PRH1: variants seen among roughly 807,000 people sequenced by gnomAD.
PRH1 encodes proline rich protein HaeIII subfamily 1.
Under a neutral mutation model 7.9 loss-of-function variants are expected in PRH1, and 7 were observed. That is an observed-to-expected ratio of 0.89 (90% CI 0.50 to 1.67). The LOEUF is 1.67. Among genes scored for constraint, PRH1 ranks in the 40% most tolerant of loss-of-function variants. The pLI is 0.00. For synonymous variants in PRH1, 45 were observed against 80.8 expected, an observed-to-expected ratio of 0.56 and a Z score of 2.38; for missense variants, 109 against 223.6, an observed-to-expected ratio of 0.49 and a Z score of 3.27.
At chr12:11,167,930 A>T (rs1262694478) in intron 1 of PRH1, among the ~76,000 whole-genome samples, 1 of 46,554 alleles carries the variant, frequency 2.1e-5, no homozygotes, top group Non-Finnish European at 6.5e-5. Flanking sequence ...TGCATGGTTT[A>T]AAAAATGTCT....
At chr12:10,918,606 C>A (rs986030082) in intron 2 of PRH1, among the ~76,000 whole-genome samples, 3 of 152,102 alleles carry the variant, frequency 2.0e-5, no homozygotes, top group Admixed American at 6.5e-5. Context: ...GACAAAGTCC[C>A]CTACAAAATG....
intron 1 of PRH1, among the ~76,000 whole-genome samples, chr12:11,143,570 C>G (rs1343619033): frequency 6.6e-6 from 1 of 151,998 alleles, no homozygotes; most frequent in Non-Finnish European, 1.5e-5. Flanking sequence ...CATAGTCTAG[C>G]TAATCAGTTG....
At chr12:10,952,705 T>C (rs898899687) in intron 2 of PRH1, among the ~76,000 whole-genome samples, 1 of 152,206 alleles carries the variant, frequency 6.6e-6, no homozygotes, top group Admixed American at 6.5e-5. Flanking sequence ...CAAATGATTC[T>C]GGGAAAATTA....
chr12:10,900,984 C>A (rs1949715010), intron 2 of PRH1, among the ~76,000 whole-genome samples: 1 of 152,186 alleles, frequency 6.6e-6, no homozygotes, highest in African/African-American at 2.4e-5. Context: ...CTGAAGCACC[C>A]ATTCACCTGG....
intron 1 of PRH1, among the ~76,000 whole-genome samples, chr12:11,140,641 C>T (rs1311865010): frequency 6.6e-6 from 1 of 152,132 alleles, no homozygotes; most frequent in East Asian, 1.9e-4. Flanking sequence ...AACATCCTTG[C>T]TGTAAGGTAA....
At chr12:11,078,283 C>T (rs1460564753) in intron 1 of PRH1, 1 of 318,086 alleles carries the variant, frequency 3.1e-6, no homozygotes, top group East Asian at 4.1e-5. Flanking sequence ...GTCTTAATAA[C>T]ACTGGTTCTG....
At chr12:11,015,237 A>G (rs1941237548) in intron 1 of PRH1, among the ~76,000 whole-genome samples, 1 of 152,268 alleles carries the variant, frequency 6.6e-6, no homozygotes, top group Non-Finnish European at 1.5e-5. Flanking sequence ...GAATCATGGG[A>G]AAAGGAACAC....
upstream of PRH1, among the ~76,000 whole-genome samples, chr12:11,049,996 A>T (rs1014516074): frequency 6.6e-6 from 1 of 152,260 alleles, no homozygotes. Context: ...CCAGGAGGTC[A>T]TCTAGGTGGA....
At chr12:10,900,774 A>G (rs760467656) in intron 2 of PRH1, among the ~76,000 whole-genome samples, 1 of 152,194 alleles carries the variant, frequency 6.6e-6, no homozygotes, top group Non-Finnish European at 1.5e-5. Context: ...CACCTGGTTC[A>G]GCAGCTTCAT....
At chr12:11,016,829 G>C (rs1308987551) in intron 1 of PRH1, among the ~76,000 whole-genome samples, 3 of 152,282 alleles carry the variant, frequency 2.0e-5, no homozygotes, top group South Asian at 4.1e-4. Context: ...GAACCAAGGG[G>C]AAGCCTGTGA....
At chr12:11,113,037 T>TC (rs1189655810) in intron 1 of PRH1, among the ~76,000 whole-genome samples, 1 of 152,060 alleles carries the variant, frequency 6.6e-6, no homozygotes, top group Non-Finnish European at 1.5e-5. Context: ...ATGAGTGAAC[T>TC]CCATTTCACA....
chr12:11,139,450 T>C lies in PRH1; in HGVS notation n.40-18270A>G, dbSNP rs1592092075. Among the ~76,000 whole-genome samples, 4 of 152,340 alleles carry C rather than the reference T, an allele frequency of 2.6e-5. No homozygotes were observed. The East Asian group carries it at 7.7e-4, about 29-fold the overall frequency. On this transcript the variant is annotated intron_variant and non_coding_transcript_variant, in intron 1 of 1. Coordinates refer to the PRH1 transcript ENST00000541175. ...GAGTTTCATCACCAATGTAACAAAT[T>C]ACAATGTATTAAAAATTTTTTTTCC...
At chr12:10,938,309 T>C (rs763149193) in intron 2 of PRH1, 3 of 1,613,720 alleles carry the variant, frequency 1.9e-6, no homozygotes, top group Non-Finnish European at 2.5e-6. Flanking sequence ...TTTGAACATG[T>C]ACCTCAGCCA....
intron 1 of PRH1, among the ~76,000 whole-genome samples, chr12:11,013,137 C>G (rs1344573559): frequency 2.0e-5 from 3 of 152,052 alleles, no homozygotes; most frequent in Non-Finnish European, 4.4e-5. Flanking sequence ...ACCCAGTGAC[C>G]AGATCACCAA....
intron 1 of PRH1, among the ~76,000 whole-genome samples, chr12:11,100,663 C>T (rs1282567894): frequency 6.6e-6 from 1 of 152,140 alleles, no homozygotes; most frequent in African/African-American, 2.4e-5. Context: ...CAAAAAATGA[C>T]GGCATTCTCA....
intron 1 of PRH1, among the ~76,000 whole-genome samples, chr12:11,041,615 T>C (rs1942713582): frequency 6.6e-6 from 1 of 152,210 alleles, no homozygotes; most frequent in Non-Finnish European, 1.5e-5. Context: ...TAATCTGCAC[T>C]ATGGAACAAA....
chr12:11,159,475 G>A (rs754937798), intron 1 of PRH1: 1 of 151,448 alleles, frequency 6.6e-6, no homozygotes, highest in African/African-American at 2.4e-5. Context: ...GTATATAGAT[G>A]AGGGGACAAT....
chr12:10,903,931 C>CAA (rs546066515), intron 2 of PRH1, among the ~76,000 whole-genome samples: 687 of 30,822 alleles, frequency 0.022, 9 homozygotes, highest in African/African-American at 0.04. Flanking sequence ...ACAATAGCCT[C>CAA]AAAAAAAAAA....
Position 10,930,674 on chromosome 12 carries a change from C to T in PRH1, c.-59+42981G>A, listed in dbSNP as rs144338775. 3.8e-3 allele frequency: 6,084 copies of T among 1,613,876 alleles called. 2 individuals are homozygous for T. Among genetic ancestry groups the T allele is most frequent in the Non-Finnish European group, 4.7e-3 (5,508 of 1,179,818 alleles). ...TCAACTCACACAGATGGAGGAGACT[C>T]TGAGCAGTTCATAGATGAGGAGCGT... On this transcript the variant is annotated intron_variant, in intron 2 of 3. Coordinates refer to the PRH1 transcript ENST00000539853.
Sources: allele counts gnomAD v4.1 joint callset (sites outside exome capture counted in the v4.1 genomes callset), GRCh38; gene constraint gnomAD v4.1.1; transcripts MANE v1.5; gene names NCBI Gene and HGNC (gene_info 2026-07-23, HGNC 2026-07-21).